The following EHBP1 variants were observed in gnomAD, a reference collection of about 807,000 sequenced individuals.
The protein encoded by EHBP1 is EH domain-binding protein 1.
A neutral mutation model predicts 144.0 loss-of-function variants in EHBP1; 55 were observed. That is an observed-to-expected ratio of 0.38 (90% confidence interval 0.31 to 0.48). The LOEUF is 0.48. EHBP1 is among the 20% of genes least tolerant of loss of function. The probability of loss-of-function intolerance (pLI) is 0.98; values close to 1 mark genes in which losing one functional copy is unlikely to be tolerated. For synonymous variants in EHBP1, 469 were observed against 472.7 expected (o/e 0.99, Z 0.10); for missense variants, 1,200 against 1,364.2 (o/e 0.88, Z 1.90).
intron 2 of EHBP1, among the ~76,000 whole-genome samples, chr2:62,741,436 T>C (rs72888931): frequency 0.02 from 2,983 of 152,312 alleles, 89 homozygotes; most frequent in African/African-American, 0.067. Flanking sequence ...TATTAGCTAC[T>C]TCTAGATTGT....
chr2:63,038,851 G>A (rs201087013), intron 21 of EHBP1, 35 bp downstream of exon 21: 34 of 1,570,994 alleles, frequency 2.2e-5, no homozygotes, highest in Admixed American at 1.5e-4. Context: ...GGTATGTGAC[G>A]TGTCAGTTGT....
At chr2:62,877,150 G>T (rs557933826) in intron 10 of EHBP1, among the ~76,000 whole-genome samples, 1 of 152,060 alleles carries the variant, frequency 6.6e-6, no homozygotes, top group East Asian at 1.9e-4. Flanking sequence ...CAAAGTAAAG[G>T]GATAGAGAAA....
intron 1 of EHBP1, among the ~76,000 whole-genome samples, chr2:62,699,083 G>T (rs2034196633): frequency 6.6e-6 from 1 of 152,150 alleles, no homozygotes; most frequent in South Asian, 2.1e-4. Flanking sequence ...CCAAGATTAT[G>T]AATTTCTACC....
At chr2:62,965,022 A>C (rs968454261) in intron 14 of EHBP1, 2 of 152,658 alleles carry the variant, frequency 1.3e-5, no homozygotes, top group African/African-American at 2.4e-5. Context: ...TCACGAAAGA[A>C]GTCCAGAAAT....
chr2:62,702,041 T>C (rs139048195), upstream of EHBP1, among the ~76,000 whole-genome samples: 6 of 152,218 alleles, frequency 3.9e-5, no homozygotes, highest in Non-Finnish European at 8.8e-5. Context: ...CCAGGAAAGA[T>C]AATAGTAATT....
chr2:62,741,740 T>C (rs1448993452), intron 2 of EHBP1, among the ~76,000 whole-genome samples: 1 of 152,134 alleles, frequency 6.6e-6, no homozygotes, highest in Non-Finnish European at 1.5e-5. Flanking sequence ...AGGTTCTGAA[T>C]CTGTGGATTC....
rs545185334 is a variant in EHBP1 at position 63,005,161 on chromosome 2, A to G, written c.3103+8395A>G. Among the ~76,000 whole-genome samples the G allele has an allele frequency of 5.9e-5, 9 of 152,190 alleles. No individual in the cohort carries two copies. The South Asian group carries it at 1.9e-3, about 32-fold the overall frequency. On this transcript the variant is annotated intron_variant, in intron 19 of 22. Transcript: ENST00000431489. ...AATCTCTTGGTAATCCAGAGTCATC[A>G]TGTATTTTTCTCGTAGAAGGCCATG...
chr2:62,886,714 T>C (rs2051962278), intron 10 of EHBP1, among the ~76,000 whole-genome samples: 1 of 152,196 alleles, frequency 6.6e-6, no homozygotes, highest in South Asian at 2.1e-4. Context: ...GCTTTTACCT[T>C]TTTAATGATG....
intron 1 of EHBP1, among the ~76,000 whole-genome samples, chr2:62,697,383 C>T (rs2034138351): frequency 6.6e-6 from 1 of 152,154 alleles, no homozygotes; most frequent in African/African-American, 2.4e-5. Flanking sequence ...CACAAGCAGC[C>T]ACAACAAAAG....
intron 10 of EHBP1, among the ~76,000 whole-genome samples, chr2:62,941,588 T>C (rs1272701413): frequency 6.6e-6 from 1 of 152,062 alleles, no homozygotes; most frequent in African/African-American, 2.4e-5. Flanking sequence ...TTATGTGGGG[T>C]TGATGATTTT....
intron 6 of EHBP1, among the ~76,000 whole-genome samples, chr2:62,830,151 T>TATACAC (rs1397330945): frequency 1.5e-5 from 1 of 64,798 alleles, no homozygotes; most frequent in African/African-American, 5.1e-5. Context: ...TATATATATA[T>TATACAC]AGACACACAC....
chr2:63,039,003 C>CT (rs2061554958), intron 21 of EHBP1, among the ~76,000 whole-genome samples, 187 bp downstream of exon 21: 1 of 152,098 alleles, frequency 6.6e-6, no homozygotes, highest in Non-Finnish European at 1.5e-5. Context: ...GATAGATAAT[C>CT]ATTATGTTTG....
intron 19 of EHBP1, among the ~76,000 whole-genome samples, chr2:63,000,192 A>G (rs966606175): frequency 6.6e-6 from 1 of 152,160 alleles, no homozygotes; most frequent in African/African-American, 2.4e-5. Context: ...TAGGAAAGGA[A>G]TGTAAAAGGC....
chr2:62,940,061 G>C, intron 10 of EHBP1: 1 of 423,318 alleles, frequency 2.4e-6, no homozygotes, highest in South Asian at 1.8e-5. Flanking sequence ...GAGGCACAAA[G>C]GAAAAGAATC....
At chr2:62,727,357 T>C (rs1558558650) in intron 2 of EHBP1, among the ~76,000 whole-genome samples, 1 of 151,978 alleles carries the variant, frequency 6.6e-6, no homozygotes, top group Non-Finnish European at 1.5e-5. Context: ...CCTTTTAAAG[T>C]GTACAATTCA....
intron 2 of EHBP1, among the ~76,000 whole-genome samples, chr2:62,737,349 G>A (rs1402800745): frequency 1.3e-5 from 2 of 152,146 alleles, no homozygotes; most frequent in African/African-American, 4.8e-5. Flanking sequence ...CCAAAAATGT[G>A]CTTCCCCTTT....
intron 10 of EHBP1, among the ~76,000 whole-genome samples, chr2:62,880,333 C>A (rs1447377168): frequency 1.4e-5 from 2 of 142,260 alleles, no homozygotes; most frequent in African/African-American, 5.3e-5. Flanking sequence ...ACAAAAACTC[C>A]AGTAGCAATT....
At chr2:62,749,335 A>G (rs2152185603) in intron 3 of EHBP1, among the ~76,000 whole-genome samples, 2 of 152,334 alleles carry the variant, frequency 1.3e-5, no homozygotes, top group East Asian at 1.9e-4. Context: ...TTATGGCCGC[A>G]TAGTATTCCA....
intron 12 of EHBP1, among the ~76,000 whole-genome samples, chr2:62,945,654 G>A (rs781287196): frequency 6.6e-6 from 1 of 152,160 alleles, no homozygotes; most frequent in African/African-American, 2.4e-5. Flanking sequence ...GGAGGATGAG[G>A]TGGGAGAATC....
Sources: allele counts gnomAD v4.1 joint callset (sites outside exome capture counted in the v4.1 genomes callset), GRCh38; gene constraint gnomAD v4.1.1; transcripts MANE v1.5; gene names NCBI Gene and HGNC (gene_info 2026-07-23, HGNC 2026-07-21).